Variants in KCNQ5 observed in about 807,000 individuals in gnomAD.
The protein encoded by KCNQ5 is potassium voltage-gated channel subfamily KQT member 5.
A neutral mutation model predicts 98.2 loss-of-function variants in KCNQ5; 30 were observed. The ratio of observed to expected loss-of-function variants is 0.31; its 90% confidence interval spans 0.23 to 0.41. The LOEUF is 0.41. Among genes scored for constraint, KCNQ5 ranks in the 10% least tolerant of loss-of-function variants. KCNQ5 has a pLI of 1.00. For missense variants in KCNQ5, 835 were observed against 1,182.5 expected, an observed-to-expected ratio of 0.71 and a Z score of 4.31; for synonymous variants, 458 against 449.4, an observed-to-expected ratio of 1.02 and a Z score of -0.24.
intron 10 of KCNQ5, among the ~76,000 whole-genome samples, chr6:73,149,247 T>G (rs964231651): frequency 6.6e-6 from 1 of 152,194 alleles, no homozygotes; most frequent in Non-Finnish European, 1.5e-5. Context: ...AAATACATAT[T>G]ATAGAATGCA....
chr6:72,806,986 A>G (rs1774991934), intron 1 of KCNQ5: 2 of 272,714 alleles, frequency 7.3e-6, no homozygotes, highest in African/African-American at 4.7e-5. Context: ...TATTATGTAT[A>G]TGTTGCATTT....
rs138019762 is a variant in KCNQ5, at chr6:72,746,152, T to C, written c.398+123565T>C. On this transcript the variant is annotated intron_variant, in intron 1 of 13. Transcript: ENST00000370398. ...AGTTTAGGACTTCAACATTTCTTTA[T>C]AGGAGACACAAATCAACTCACAACA... Among the ~76,000 whole-genome samples, 275 of 149,094 alleles carry C rather than the reference T, an allele frequency of 1.8e-3. 2 individuals carry two copies. Among genetic ancestry groups the C allele is most frequent in the Admixed American group, 0.013 (192 of 14,976 alleles).
In KCNQ5 at chr6:73,151,460, T is replaced by G. The variant is rs1777143985; in HGVS notation, c.1468+17819T>G. ...AACCTTTCAATGTAAGTCACTATAGTTTTTTGAGAAGTCAAAATTCAGCAT... is the reference window on the plus strand; with the variant it reads ...AACCTTTCAATGTAAGTCACTATAGGTTTTTGAGAAGTCAAAATTCAGCAT... On this transcript the variant is annotated intron_variant, in intron 10 of 13. Transcript: ENST00000370398. Among the ~76,000 whole-genome samples, 4 of 152,356 alleles carry G rather than the reference T, an allele frequency of 2.6e-5. No individual in the cohort carries two copies. The South Asian group carries it at 8.3e-4, about 32-fold the overall frequency.
intron 1 of KCNQ5, among the ~76,000 whole-genome samples, chr6:72,875,228 GC>G (rs2150166866): frequency 6.6e-6 from 1 of 152,124 alleles, no homozygotes; most frequent in East Asian, 1.9e-4. Flanking sequence ...CAATCCCTTG[GC>G]TTTGTTTTAT....
At chr6:73,073,187 G>A (rs1026687395) in intron 3 of KCNQ5, among the ~76,000 whole-genome samples, 2 of 152,114 alleles carry the variant, frequency 1.3e-5, no homozygotes, top group African/African-American at 4.8e-5. Context: ...TAAGGACACA[G>A]CTTTGGAGTC....
chr6:73,170,776 A>C lies in KCNQ5; in HGVS notation c.1577+922A>C, dbSNP rs919748206. ...TGACGAAACCCTGTCTCTACTAAAA[A>C]TACAAAAATTAGCTGGGTGTGGTGG... On this transcript the variant is annotated intron_variant, in intron 11 of 13. Transcript: ENST00000370398. Among the ~76,000 whole-genome samples, 15 of 152,014 alleles carry C rather than the reference A, an allele frequency of 9.9e-5. No homozygotes were observed. The East Asian group carries it at 1.7e-3, about 18-fold the overall frequency.
chr6:72,654,742 A>C (rs1766057941), intron 1 of KCNQ5, among the ~76,000 whole-genome samples: 1 of 152,086 alleles, frequency 6.6e-6, no homozygotes, highest in Non-Finnish European at 1.5e-5. Flanking sequence ...AATGAAGATA[A>C]AGATAGATTA....
intron 1 of KCNQ5, among the ~76,000 whole-genome samples, chr6:72,985,252 C>CAATCTTGTTCACCCAGAAATT: frequency 6.6e-6 from 1 of 152,308 alleles, no homozygotes; most frequent in Non-Finnish European, 1.5e-5. Flanking sequence ...AGGAAGAAAT[C>CAATCTTGTTCACCCAGAAATT]AATCTTGTTC....
intron 10 of KCNQ5, among the ~76,000 whole-genome samples, chr6:73,142,049 T>C (rs1000115162): frequency 1.3e-5 from 2 of 152,212 alleles, no homozygotes; most frequent in African/African-American, 4.8e-5. Context: ...AGGCCTTTTA[T>C]TTCCTTGCCA....
At chr6:72,869,228 G>A (rs1338236325) in intron 1 of KCNQ5, among the ~76,000 whole-genome samples, 4 of 152,154 alleles carry the variant, frequency 2.6e-5, no homozygotes, top group Non-Finnish European at 5.9e-5. Flanking sequence ...ATAAGAATTA[G>A]TGCTTACCTA....
chr6:72,721,014 C>G (rs886219684), intron 1 of KCNQ5, among the ~76,000 whole-genome samples: 1 of 152,132 alleles, frequency 6.6e-6, no homozygotes, highest in Non-Finnish European at 1.5e-5. Flanking sequence ...AATTTAGAAG[C>G]CAGACAGACA....
At chr6:73,111,153 G>C (rs922493060) in intron 6 of KCNQ5, among the ~76,000 whole-genome samples, 155 bp from the exon 7 acceptor site, 1 of 152,180 alleles carries the variant, frequency 6.6e-6, no homozygotes, top group African/African-American at 2.4e-5. Context: ...TATTATAATG[G>C]AGATAAATAC....
chr6:72,847,854 T>A (rs1215570896), intron 1 of KCNQ5, among the ~76,000 whole-genome samples: 1 of 152,098 alleles, frequency 6.6e-6, no homozygotes, highest in Non-Finnish European at 1.5e-5. Context: ...AACCAAACCA[T>A]CTCTGACACT....
chr6:72,830,715 A>T (rs1307323799), intron 1 of KCNQ5, among the ~76,000 whole-genome samples: 1 of 152,248 alleles, frequency 6.6e-6, no homozygotes, highest in African/African-American at 2.4e-5. Flanking sequence ...CAATGGCAAC[A>T]AAAGCCAAAA....
At chr6:72,886,322 G>A (rs957012789) in intron 1 of KCNQ5, among the ~76,000 whole-genome samples, 8 of 152,144 alleles carry the variant, frequency 5.3e-5, no homozygotes, top group African/African-American at 4.8e-5. Context: ...GTATGTATGT[G>A]TGTGTGCCTG....
intron 1 of KCNQ5, among the ~76,000 whole-genome samples, chr6:72,756,402 G>T (rs1771973641): frequency 6.6e-6 from 1 of 152,110 alleles, no homozygotes; most frequent in Admixed American, 6.6e-5. Flanking sequence ...ACAAATTTTG[G>T]ATTTGAAATG....
intron 3 of KCNQ5, among the ~76,000 whole-genome samples, chr6:73,053,221 A>C (rs1772323051): frequency 6.6e-6 from 1 of 152,240 alleles, no homozygotes. Context: ...ATATGCATCC[A>C]AAACAGGAGC....
chr6:73,024,776 C>G (rs1441332506), intron 2 of KCNQ5, among the ~76,000 whole-genome samples: 4 of 152,154 alleles, frequency 2.6e-5, no homozygotes, highest in Non-Finnish European at 5.9e-5. Flanking sequence ...TTCCAACAGA[C>G]AAAATGTGAC....
intron 1 of KCNQ5, among the ~76,000 whole-genome samples, chr6:72,770,502 G>A (rs1490369414): frequency 1.3e-5 from 2 of 152,052 alleles, no homozygotes; most frequent in African/African-American, 4.8e-5. Flanking sequence ...ATTATAATCT[G>A]CAGAACAATC....
Sources: allele counts gnomAD v4.1 joint callset (sites outside exome capture counted in the v4.1 genomes callset), GRCh38; gene constraint gnomAD v4.1.1; transcripts MANE v1.5; gene names NCBI Gene and HGNC (gene_info 2026-07-23, HGNC 2026-07-21).